The following PIEZO2 variants were observed in gnomAD, a reference collection of about 807,000 sequenced individuals.
PIEZO2 encodes piezo type mechanosensitive ion channel component 2.
PIEZO2 carries 172 observed loss-of-function variants against 337.3 expected under a neutral mutation model. That is an observed-to-expected ratio of 0.51 (90% CI 0.45 to 0.58). PIEZO2 has a LOEUF of 0.58. Ranked by LOEUF, PIEZO2 falls within the 20% of genes least tolerant of loss-of-function variation. PIEZO2 has a pLI of 0.00. For synonymous variants in PIEZO2, 1,251 were observed against 1,228.5 expected (o/e 1.02, Z -0.38); for missense variants, 3,028 against 3,391.3 (o/e 0.89, Z 2.66).
chr18:10,675,039 G>A (rs1178840974), intron 54 of PIEZO2, among the ~76,000 whole-genome samples, 170 bp downstream of exon 54: 2 of 152,194 alleles, frequency 1.3e-5, no homozygotes, highest in Admixed American at 6.5e-5. Flanking sequence ...TCCCAGGTGA[G>A]TGAGTGACTC....
chr18:11,079,365 C>T (rs889695794), intron 1 of PIEZO2, among the ~76,000 whole-genome samples: 5 of 152,210 alleles, frequency 3.3e-5, no homozygotes, highest in African/African-American at 1.2e-4. Context: ...TTAACCTCCA[C>T]AAATATCTTT....
intron 1 of PIEZO2, among the ~76,000 whole-genome samples, chr18:11,144,454 T>G (rs921231748): frequency 6.6e-6 from 1 of 152,150 alleles, no homozygotes; most frequent in Non-Finnish European, 1.5e-5. Flanking sequence ...GGGAGGCCAA[T>G]GCTGATCACA....
Position 11,104,252 on chromosome 18 carries a change from G to A in PIEZO2, c.65-38030C>T, listed in dbSNP as rs946125317. On this transcript the variant is annotated intron_variant, in intron 1 of 55. Coordinates refer to ENST00000674853, the MANE Select transcript of PIEZO2 (RefSeq NM_001378183.1). This position sits in a 1 kb window ranked among gnomAD's most constrained non-coding sequence, Gnocchi z 4.6. The stretch of plus-strand genomic sequence containing the variant: ...AATTTGGAGGCTTTTCACATACTCT[G>A]AGAATGTAAAAGGTGGCAGTGTGGG... Among the ~76,000 whole-genome samples the A allele has an allele frequency of 6.6e-6, 1 of 152,212 alleles. No individual in the cohort carries two copies. The highest frequency in any genetic ancestry group is 1.5e-5 in the Non-Finnish European group (1 of 68,042).
At position 10,930,787 on chromosome 18, in the gene PIEZO2, A is replaced by G. The variant is rs149301812; in HGVS notation, c.287-19559T>C. 4.3e-3 allele frequency among the ~76,000 whole-genome samples: 651 copies of G among 152,348 alleles called. 4 individuals carry two copies. The highest frequency in any genetic ancestry group is 0.015 in the African/African-American group (605 of 41,588). On this transcript the variant is annotated intron_variant, in intron 3 of 55. Transcript: ENST00000674853. ...AAAGACATAGGCAGTTATTAAAGAT[A>G]AATTTTTTTGAAATTCTGTCTTAAA... is the stretch of plus-strand genomic sequence containing the variant.
intron 2 of PIEZO2, among the ~76,000 whole-genome samples, chr18:11,049,555 T>G (rs565381200): frequency 6.6e-6 from 1 of 152,348 alleles, no homozygotes; most frequent in Non-Finnish European, 1.5e-5. Flanking sequence ...ATGGTTTGGC[T>G]GCATCCCCAC....
intron 4 of PIEZO2, chr18:10,893,785 T>C (rs1213757917): frequency 6.6e-6 from 1 of 152,250 alleles, no homozygotes; most frequent in Non-Finnish European, 1.5e-5. Flanking sequence ...GTTTATACTG[T>C]AATGAATTTC....
intron 3 of PIEZO2, among the ~76,000 whole-genome samples, chr18:10,928,061 C>T (rs1009165065): frequency 6.6e-6 from 1 of 152,156 alleles, no homozygotes; most frequent in Non-Finnish European, 1.5e-5. Flanking sequence ...ACGCCCCACT[C>T]ATAGGGCAGC....
chr18:10,880,295 C>T (rs1454092028), intron 4 of PIEZO2, among the ~76,000 whole-genome samples: 2 of 152,110 alleles, frequency 1.3e-5, no homozygotes, highest in African/African-American at 2.4e-5. Flanking sequence ...TGTCAAAGAC[C>T]AGAGAAGAAG....
At position 11,016,713 on chromosome 18, in the gene PIEZO2, C is replaced by T. The variant is rs1018351105; in HGVS notation, c.161-37053G>A. ...AATCATGTTTCATGATGAAAAACTC[C>T]ATCAAATAATGTAATGTTTTTTCAC... is the stretch of plus-strand genomic sequence containing the variant. On this transcript the variant is annotated intron_variant, in intron 2 of 55. Coordinates refer to ENST00000674853, the MANE Select transcript of PIEZO2 (RefSeq NM_001378183.1). This position sits in a 1 kb window ranked among gnomAD's most constrained non-coding sequence, Gnocchi z 5.6. Among the ~76,000 whole-genome samples, 1 of 152,140 alleles carries T rather than the reference C, an allele frequency of 6.6e-6. No individual in the cohort carries two copies. The highest frequency in any genetic ancestry group is 2.4e-5 in the African/African-American group (1 of 41,430).
chr18:11,131,525 G>C lies in PIEZO2; in HGVS notation c.64+17000C>G, dbSNP rs900525727. Among the ~76,000 whole-genome samples, 3 of 152,208 alleles carry C rather than the reference G, an allele frequency of 2.0e-5. No individual in the cohort carries two copies. Among genetic ancestry groups the C allele is most frequent in the African/African-American group, 7.2e-5 (3 of 41,464 alleles). ...GCTGCAGCACTACAGCCCCTTTCTA[G>C]GAAATCCTTGAAGGACAGCGGTGAA... On this transcript the variant is annotated intron_variant, in intron 1 of 55. Coordinates refer to ENST00000674853, the MANE Select transcript of PIEZO2 (RefSeq NM_001378183.1). This position sits in a 1 kb window ranked among gnomAD's most constrained non-coding sequence, Gnocchi z 5.3.
At position 11,110,073 on chromosome 18, in the gene PIEZO2, G is replaced by A. The variant is rs1348935079; in HGVS notation, c.64+38452C>T. On this transcript the variant is annotated intron_variant, in intron 1 of 55. Coordinates refer to ENST00000674853, the MANE Select transcript of PIEZO2 (RefSeq NM_001378183.1). The surrounding 1 kb of genome is among the most constrained non-coding windows in gnomAD (Gnocchi z 4.2). ...TGACAGGTTCAGGAGTAACTGCAATGCTCTCATTTTCCCAAGACTACAACT... is the reference window on the plus strand; with the variant it reads ...TGACAGGTTCAGGAGTAACTGCAATACTCTCATTTTCCCAAGACTACAACT... Among the ~76,000 whole-genome samples the A allele has an allele frequency of 2.0e-5, 3 of 152,082 alleles. No individual in the cohort carries two copies. The highest frequency in any genetic ancestry group is 6.6e-5 in the Admixed American group (1 of 15,258).
chr18:11,083,366 T>C lies in PIEZO2; in HGVS notation c.65-17144A>G, dbSNP rs879382395. Reference sequence around the variant, plus strand: ...AGAATTTCTCTCAGAAGAGGAACTATATTTGTTTGGATGTTTTCCTTGGTA... The same window carrying C: ...AGAATTTCTCTCAGAAGAGGAACTACATTTGTTTGGATGTTTTCCTTGGTA... On this transcript the variant is annotated intron_variant, in intron 1 of 55. Transcript: ENST00000674853. The surrounding 1 kb of genome is among the most constrained non-coding windows in gnomAD (Gnocchi z 4.4). 6.6e-6 allele frequency among the ~76,000 whole-genome samples: 1 copy of C among 152,236 alleles called. No homozygotes were observed. Among genetic ancestry groups the C allele is most frequent in the Non-Finnish European group, 1.5e-5 (1 of 68,038 alleles).
At chr18:10,944,644 C>T (rs1368900774) in intron 3 of PIEZO2, among the ~76,000 whole-genome samples, 1 of 149,616 alleles carries the variant, frequency 6.7e-6, no homozygotes, top group Non-Finnish European at 1.5e-5. Flanking sequence ...AAGCAGATTG[C>T]CTAAAAAGGA....
chr18:10,770,386 G>T, intron 20 of PIEZO2, 78 bp from the exon 21 acceptor site: 1 of 1,380,756 alleles, frequency 7.2e-7, no homozygotes, highest in South Asian at 1.5e-5. Context: ...GTAACTTTCA[G>T]GTTGGAATGA....
chr18:10,989,524 G>A (rs1173905444), intron 2 of PIEZO2, among the ~76,000 whole-genome samples: 5 of 151,240 alleles, frequency 3.3e-5, no homozygotes, highest in African/African-American at 1.2e-4. Flanking sequence ...TTGACTGCAC[G>A]GAAACTGGAG....
chr18:10,858,460 A>T (rs549637403), intron 5 of PIEZO2, among the ~76,000 whole-genome samples: 2 of 152,258 alleles, frequency 1.3e-5, no homozygotes, highest in East Asian at 3.9e-4. Flanking sequence ...GACAGACTTC[A>T]TATCTTTAGT....
chr18:10,757,890 G>A lies in PIEZO2; in HGVS notation c.3923+79C>T, dbSNP rs7407954. ...TCAGCAGATCTGTTTCCCAAGTATA[G>A]CAGAGAAAGTATAGAGGAGCAATGT... On this transcript the variant is annotated intron_variant, in intron 27 of 55. Coordinates refer to ENST00000674853, the MANE Select transcript of PIEZO2 (RefSeq NM_001378183.1). The A allele has an allele frequency of 0.25, 335,653 of 1,335,788 alleles. 44,045 individuals are homozygous for A. The highest frequency in any genetic ancestry group is 0.29 in the Admixed American group (12,121 of 41,190). 82.7% of individuals were successfully genotyped at this position (1,335,788 alleles called of 1,614,324 possible). A position where few individuals can be genotyped will look rare whatever the true frequency, so the allele number is the denominator to read the frequency against.
intron 7 of PIEZO2, among the ~76,000 whole-genome samples, chr18:10,842,022 G>A (rs1450536729): frequency 1.3e-5 from 2 of 151,938 alleles, no homozygotes; most frequent in Non-Finnish European, 2.9e-5. Context: ...TGGGCATGGC[G>A]GTGTGCGCCT....
intron 4 of PIEZO2, among the ~76,000 whole-genome samples, chr18:10,904,501 G>A (rs370127661): frequency 2.6e-5 from 4 of 152,212 alleles, no homozygotes; most frequent in East Asian, 3.8e-4. Context: ...GTGTGGCTTA[G>A]AGTGGAACCC....
Sources: gnomAD v4.1 joint callset for allele counts (sites outside exome capture counted in the v4.1 genomes callset) on GRCh38, gnomAD v4.1.1 for gene constraint, Gnocchi (gnomAD v3.1) non-coding constraint, MANE v1.5 for transcripts, NCBI Gene and HGNC (gene_info 2026-07-23, HGNC 2026-07-21) for gene names.